Variants in FAM135A observed in about 807,000 individuals in gnomAD.
FAM135A encodes the protein protein FAM135A.
A neutral mutation model predicts 146.8 loss-of-function variants in FAM135A; 79 were observed. The observed-to-expected ratio is 0.54, with a 90% CI of 0.45 to 0.65. The LOEUF (loss-of-function observed/expected upper bound fraction) is 0.65, where lower values mean the gene tolerates loss of function less well. Ranked by LOEUF, FAM135A falls within the 30% of genes least tolerant of loss-of-function variation. The pLI, the probability that FAM135A is intolerant of heterozygous loss-of-function variation, is 0.00. For missense variants in FAM135A, 1,623 were observed against 1,758.2 expected (o/e 0.92, Z 1.38); for synonymous variants, 562 against 603.6 (o/e 0.93, Z 1.01).
chr6:70,560,501 ACTGTTG>A lies in FAM135A; in HGVS notation c.*583_*588del, dbSNP rs1311058408. ...AATACAAGTTTTCTATAAAGTCATT[ACTGTTG>A]CTTAAACATATTTCATGCCTATTAA... is the stretch of plus-strand genomic sequence containing the variant. On this transcript the variant is annotated 3_prime_UTR_variant, in exon 22 of 22. Transcript: ENST00000418814. The A allele has an allele frequency of 6.6e-6, 1 of 152,580 alleles. No homozygotes were observed. Among genetic ancestry groups the A allele is most frequent in the African/African-American group, 2.4e-5 (1 of 41,466 alleles). The allele number at this position is 152,580 out of a possible 1,614,324, so 9.5% of individuals were successfully genotyped here.
chr6:70,536,624 T>A (rs965816024), intron 19 of FAM135A, among the ~76,000 whole-genome samples: 1 of 152,182 alleles, frequency 6.6e-6, no homozygotes, highest in Non-Finnish European at 1.5e-5. Flanking sequence ...AGATGGTATT[T>A]GTCAAAATTC....
intron 7 of FAM135A, among the ~76,000 whole-genome samples, chr6:70,476,072 A>T (rs1414643855): frequency 6.6e-6 from 1 of 152,200 alleles, no homozygotes; most frequent in African/African-American, 2.4e-5. Flanking sequence ...TCTTGATGGC[A>T]TCAGTTATGC....
At chr6:70,516,001 C>A (rs1792106632) in intron 12 of FAM135A, among the ~76,000 whole-genome samples, 1 of 151,972 alleles carries the variant, frequency 6.6e-6, no homozygotes, top group Admixed American at 6.6e-5. Context: ...TTTCTATTGG[C>A]TGATTTTATC....
At chr6:70,538,236 G>T in intron 19 of FAM135A, 55 bp from the exon 20 acceptor site, 2 of 1,010,452 alleles carry the variant, frequency 2.0e-6, no homozygotes, top group South Asian at 7.5e-5. Context: ...AATAATCTTG[G>T]CATATGTTTT....
At chr6:70,494,832 T>C (rs1170900331) in intron 11 of FAM135A, among the ~76,000 whole-genome samples, 2 of 152,178 alleles carry the variant, frequency 1.3e-5, no homozygotes, top group African/African-American at 4.8e-5. Context: ...ACTTTATTTA[T>C]TTATTTATTA....
chr6:70,481,043 G>A lies in FAM135A; in HGVS notation c.669+16G>A. On this transcript the variant is annotated intron_variant, in intron 9 of 21. Coordinates refer to ENST00000418814, the MANE Select transcript of FAM135A (RefSeq NM_001162529.3). ...ATCACCAGATGTAAGAACTGAATAT[G>A]TTTATAAATCTTCTCCTTATTTTAA... The A allele has an allele frequency of 6.5e-7, 1 of 1,549,808 alleles. No individual in the cohort carries two copies. Among genetic ancestry groups the A allele is most frequent in the Non-Finnish European group, 8.7e-7 (1 of 1,150,412 alleles).
At chr6:70,539,605 T>C (rs928390536) in intron 20 of FAM135A, among the ~76,000 whole-genome samples, 9 of 152,310 alleles carry the variant, frequency 5.9e-5, no homozygotes, top group East Asian at 1.9e-4. Flanking sequence ...TCCACTGTTA[T>C]ATAAAACCAC....
At chr6:70,505,696 TTC>T in intron 12 of FAM135A, among the ~76,000 whole-genome samples, 2 of 152,266 alleles carry the variant, frequency 1.3e-5, no homozygotes, top group Middle Eastern at 6.8e-3. Context: ...TTATTCTAGT[TTC>T]TAGTTGTTTG....
chr6:70,539,659 A>G (rs1797475963), intron 20 of FAM135A, among the ~76,000 whole-genome samples: 1 of 152,152 alleles, frequency 6.6e-6, no homozygotes, highest in South Asian at 2.1e-4. Context: ...ACCATCTATT[A>G]TTCTTTAATA....
chr6:70,503,064 A>G (rs554464937), intron 12 of FAM135A: 40 of 197,838 alleles, frequency 2.0e-4, no homozygotes, highest in Non-Finnish European at 3.3e-4. Flanking sequence ...TAGAATAGGA[A>G]CCTAAGAATA....
intron 20 of FAM135A, among the ~76,000 whole-genome samples, chr6:70,539,692 G>A (rs1582845303): frequency 1.3e-5 from 2 of 152,116 alleles, no homozygotes; most frequent in East Asian, 3.9e-4. Flanking sequence ...GGTTATCCCA[G>A]GAGAATAAAA....
intron 12 of FAM135A, chr6:70,503,519 A>T (rs1356920804): frequency 6.6e-6 from 1 of 152,186 alleles, no homozygotes; most frequent in African/African-American, 2.4e-5. Flanking sequence ...TAATTAAAGC[A>T]TACACCCTTT....
intron 12 of FAM135A, among the ~76,000 whole-genome samples, chr6:70,508,879 TG>T (rs1381406888): frequency 6.6e-6 from 1 of 152,174 alleles, no homozygotes; most frequent in Non-Finnish European, 1.5e-5. Flanking sequence ...AAGGTTTAAT[TG>T]TGTTTTACAT....
chr6:70,555,856 C>T (rs1181989054), intron 20 of FAM135A, among the ~76,000 whole-genome samples: 1 of 151,960 alleles, frequency 6.6e-6, no homozygotes, highest in Non-Finnish European at 1.5e-5. Context: ...CAAAATGTCA[C>T]CTCCCCCAAA....
At chr6:70,527,531 A>C (rs2128369405) in intron 15 of FAM135A, among the ~76,000 whole-genome samples, 1 of 152,266 alleles carries the variant, frequency 6.6e-6, no homozygotes, top group Non-Finnish European at 1.5e-5. Context: ...TGGTTACTTC[A>C]GATTGTCTGA....
At chr6:70,441,349 C>T (rs1453645790) in intron 4 of FAM135A, among the ~76,000 whole-genome samples, 1 of 152,098 alleles carries the variant, frequency 6.6e-6, no homozygotes, top group Non-Finnish European at 1.5e-5. Flanking sequence ...GATGGCGCTA[C>T]TGCACTCCAG....
chr6:70,491,156 C>G, intron 11 of FAM135A, 73 bp downstream of exon 11: 1 of 1,244,612 alleles, frequency 8.0e-7, no homozygotes, highest in Admixed American at 2.0e-5. Context: ...AATATTTTGT[C>G]TATGAAAACT....
chr6:70,452,372 T>C (rs112557382), intron 4 of FAM135A, 120 bp from the exon 5 acceptor site: 35 of 700,270 alleles, frequency 5.0e-5, no homozygotes, highest in African/African-American at 4.7e-4. Flanking sequence ...GTAAATGTTA[T>C]GGGAGACTGA....
intron 11 of FAM135A, 134 bp from the exon 12 acceptor site, chr6:70,502,502 A>T: frequency 1.3e-6 from 1 of 749,912 alleles, no homozygotes; most frequent in South Asian, 2.1e-5. Context: ...ACACATGTGC[A>T]TGCACATACA....
Sources: gnomAD v4.1 joint callset for allele counts (sites outside exome capture counted in the v4.1 genomes callset) on GRCh38, gnomAD v4.1.1 for gene constraint, MANE v1.5 for transcripts, NCBI Gene and HGNC (gene_info 2026-07-23, HGNC 2026-07-21) for gene names.